RIN3: variants seen among roughly 807,000 people sequenced by gnomAD.
The protein encoded by RIN3 is Ras and Rab interactor 3.
A neutral mutation model predicts 76.3 loss-of-function variants in RIN3; 54 were observed. The observed-to-expected ratio is 0.71, with a 90% CI of 0.57 to 0.89. The LOEUF is 0.89. Among genes scored for constraint, RIN3 ranks in the 40% least tolerant of loss-of-function variants. RIN3 has a pLI of 0.00. For synonymous variants in RIN3, 576 were observed against 564.0 expected (o/e 1.02, Z -0.30); for missense variants, 1,256 against 1,322.1 (o/e 0.95, Z 0.78).
chr14:92,597,174 TA>T (rs1885179527), intron 3 of RIN3, among the ~76,000 whole-genome samples: 1 of 23,956 alleles, frequency 4.2e-5, no homozygotes, highest in Non-Finnish European at 1.3e-4. Flanking sequence ...TTATATATAT[TA>T]TTTTTTATAA....
chr14:92,672,660 ATG>A (rs57611104), intron 7 of RIN3, among the ~76,000 whole-genome samples: 5,222 of 148,220 alleles, frequency 0.035, 248 homozygotes, highest in African/African-American at 0.11. Context: ...ATGTGTGTGC[ATG>A]TGTGTGTGTG....
chr14:92,585,139 A>G (rs1403748793), intron 3 of RIN3, among the ~76,000 whole-genome samples: 2 of 151,950 alleles, frequency 1.3e-5, no homozygotes, highest in Non-Finnish European at 2.9e-5. Context: ...TAGCCGCCCA[A>G]GTAGCTGGGA....
chr14:92,579,590 G>A (rs1258559273), intron 3 of RIN3, among the ~76,000 whole-genome samples: 7 of 152,262 alleles, frequency 4.6e-5, no homozygotes, highest in Admixed American at 2.0e-4. Flanking sequence ...TACATCTCTT[G>A]TAAATGGATC....
At chr14:92,531,108 C>T (rs1476794152) in intron 1 of RIN3, among the ~76,000 whole-genome samples, 1 of 152,204 alleles carries the variant, frequency 6.6e-6, no homozygotes, top group Non-Finnish European at 1.5e-5. Flanking sequence ...TCACCAGTGT[C>T]TTCGTCAGCT....
At chr14:92,539,775 C>T (rs541773081) in intron 1 of RIN3, among the ~76,000 whole-genome samples, 1 of 152,060 alleles carries the variant, frequency 6.6e-6, no homozygotes, top group Non-Finnish European at 1.5e-5. Flanking sequence ...GTCCAGGTTC[C>T]TAGGATGCTG....
At chr14:92,518,108 T>G (rs1896493457) in intron 1 of RIN3, among the ~76,000 whole-genome samples, 1 of 152,228 alleles carries the variant, frequency 6.6e-6, no homozygotes, top group South Asian at 2.1e-4. Context: ...CCATGTAGCC[T>G]TCTATCCATG....
At chr14:92,638,413 G>T (rs1392486201) in intron 4 of RIN3, among the ~76,000 whole-genome samples, 1 of 152,204 alleles carries the variant, frequency 6.6e-6, no homozygotes, top group Admixed American at 6.5e-5. Context: ...GGCCAGACCA[G>T]GGGAGGCCCT....
intron 1 of RIN3, among the ~76,000 whole-genome samples, chr14:92,536,743 A>G (rs8008327): frequency 0.084 from 1,117 of 13,342 alleles, 75 homozygotes; most frequent in Middle Eastern, 0.22. Context: ...TCCGTCTCAG[A>G]AAAAAAAAAA....
intron 7 of RIN3, among the ~76,000 whole-genome samples, chr14:92,661,747 AC>A (rs1566893400): frequency 1.7e-4 from 23 of 137,900 alleles, no homozygotes; most frequent in Non-Finnish European, 3.0e-4. Context: ...ACACACACAC[AC>A]ACACACACAC....
chr14:92,521,592 G>A (rs182964122), intron 1 of RIN3, among the ~76,000 whole-genome samples: 1 of 152,264 alleles, frequency 6.6e-6, no homozygotes, highest in Admixed American at 6.5e-5. Context: ...TTCTCGCCAT[G>A]TGACATACCT....
At chr14:92,670,594 G>T (rs1265831666) in intron 7 of RIN3, among the ~76,000 whole-genome samples, 1 of 152,208 alleles carries the variant, frequency 6.6e-6, no homozygotes, top group African/African-American at 2.4e-5. Flanking sequence ...GGTCCATGAG[G>T]AGCTATCATG....
In RIN3 at chr14:92,568,688, C is replaced by T. The variant is rs1566846549; in HGVS notation, c.250-8672C>T. ...CCTGGAGCCATGCCAAACTCAGAGT[C>T]CGTCCCTGCCCCACTCTCCATCGTG... is the stretch of plus-strand genomic sequence containing the variant. On this transcript the variant is annotated intron_variant, in intron 2 of 9. Transcript: ENST00000216487. The surrounding 1 kb of genome is among the most constrained non-coding windows in gnomAD (Gnocchi z 4.2). Among the ~76,000 whole-genome samples, 1 of 152,248 alleles carries T rather than the reference C, an allele frequency of 6.6e-6. No homozygotes were observed. Among genetic ancestry groups the T allele is most frequent in the Non-Finnish European group, 1.5e-5 (1 of 68,032 alleles).
Position 92,558,887 on chromosome 14 carries a change from C to CTTTTCT in RIN3, c.249+2936_249+2937insCTTTTT, listed in dbSNP as rs749437455. ...TTCCTTTTGTTTTTTCTTTTCTTTT[C>CTTTTCT]TTTTTTTTTTTTTTTTGGTGAGACA... On this transcript the variant is annotated intron_variant, in intron 2 of 9. Transcript: ENST00000216487. Among the ~76,000 whole-genome samples the CTTTTCT allele has an allele frequency of 3.1e-4, 41 of 130,738 alleles. No individual in the cohort carries two copies. In the South Asian group the frequency reaches 5.3e-3, roughly 17 times the overall value. 85.8% of individuals were successfully genotyped at this position (130,738 alleles called of 152,430 possible).
chr14:92,654,764 C>T (rs1395284377), intron 6 of RIN3, among the ~76,000 whole-genome samples: 2 of 152,312 alleles, frequency 1.3e-5, no homozygotes, highest in East Asian at 3.9e-4. Flanking sequence ...ATTGGGCACC[C>T]AACTCCGCAT....
chr14:92,674,612 G>A (rs1488375826), intron 7 of RIN3, among the ~76,000 whole-genome samples: 1 of 151,958 alleles, frequency 6.6e-6, no homozygotes, highest in Non-Finnish European at 1.5e-5. Flanking sequence ...TCAAAGGCCG[G>A]GCGCTGTGGC....
At chr14:92,665,171 C>T (rs554202428) in intron 7 of RIN3, among the ~76,000 whole-genome samples, 1 of 152,258 alleles carries the variant, frequency 6.6e-6, no homozygotes, top group South Asian at 2.1e-4. Flanking sequence ...CCACCCTGTA[C>T]AGCATGTGAC....
intron 5 of RIN3, chr14:92,645,144 T>G (rs776990858): frequency 3.3e-5 from 5 of 152,282 alleles, no homozygotes; most frequent in Non-Finnish European, 5.9e-5. Flanking sequence ...CTCCCCCGAC[T>G]AGCGGGGCTC....
At chr14:92,580,973 A>C (rs1898417411) in intron 3 of RIN3, among the ~76,000 whole-genome samples, 1 of 152,240 alleles carries the variant, frequency 6.6e-6, no homozygotes, top group Non-Finnish European at 1.5e-5. Context: ...GGGTTGGGGC[A>C]AATCATTTAT....
rs1887291660 is a variant in RIN3 at position 92,648,741 on chromosome 14, A to G, written c.533-2841A>G. On this transcript the variant is annotated intron_variant, in intron 5 of 9. Coordinates refer to ENST00000216487, the MANE Select transcript of RIN3 (RefSeq NM_024832.5). The surrounding 1 kb of genome is among the most constrained non-coding windows in gnomAD (Gnocchi z 4.1). ...CTGGTGGGAAAGTCAGGCAAAAAAC[A>G]GAGAATTACAGTCCCAGTGATGGTC... Among the ~76,000 whole-genome samples the G allele has an allele frequency of 6.6e-6, 1 of 152,128 alleles. No homozygotes were observed. The highest frequency in any genetic ancestry group is 6.5e-5 in the Admixed American group (1 of 15,288).
Sources: allele counts gnomAD v4.1 joint callset (sites outside exome capture counted in the v4.1 genomes callset), GRCh38; gene constraint gnomAD v4.1.1; non-coding constraint Gnocchi (gnomAD v3.1); transcripts MANE v1.5; gene names NCBI Gene and HGNC (gene_info 2026-07-23, HGNC 2026-07-21).